The following TYR variants were observed in gnomAD, a reference collection of about 807,000 sequenced individuals.
TYR encodes the protein tyrosinase.
Under a neutral mutation model 51.5 loss-of-function variants are expected in TYR, and 58 were observed. The ratio of observed to expected loss-of-function variants is 1.13; its 90% CI spans 0.91 to 1.40. The LOEUF (loss-of-function observed/expected upper bound fraction) is 1.40. TYR is among the 40% of genes most tolerant of loss of function. The pLI is 0.00. For synonymous variants in TYR, 263 were observed against 235.2 expected, an observed-to-expected ratio of 1.12 and a Z score of -1.08; for missense variants, 732 against 647.4, an observed-to-expected ratio of 1.13 and a Z score of -1.42.
chr11:89,217,275 T>A (rs55789917), intron 2 of TYR, among the ~76,000 whole-genome samples: 3,829 of 152,276 alleles, frequency 0.025, 173 homozygotes, highest in African/African-American at 0.088. Flanking sequence ...TACTATGCAG[T>A]GTTAACAAAC....
chr11:89,209,478 A>T (rs2135267977), intron 2 of TYR, among the ~76,000 whole-genome samples: 1 of 152,348 alleles, frequency 6.6e-6, no homozygotes, highest in Non-Finnish European at 1.5e-5. Flanking sequence ...GGTGGAGCCC[A>T]CTGCAGCTCA....
chr11:89,246,791 A>C (rs1292846381), intron 3 of TYR, among the ~76,000 whole-genome samples: 1 of 152,044 alleles, frequency 6.6e-6, no homozygotes, highest in Non-Finnish European at 1.5e-5. Context: ...AAACAGTCCA[A>C]CCAGAAGGGC....
chr11:89,218,066 AG>A, intron 2 of TYR, among the ~76,000 whole-genome samples: 1 of 152,282 alleles, frequency 6.6e-6, no homozygotes, highest in Non-Finnish European at 1.5e-5. Context: ...TTTTTCATGT[AG>A]GTTGTTCAGG....
intron 4 of TYR, chr11:89,294,374 T>C (rs1944882920): frequency 6.5e-6 from 1 of 153,038 alleles, no homozygotes; most frequent in Admixed American, 6.5e-5. Context: ...AGGGCTATTA[T>C]TCTTACATAT....
chr11:89,278,971 A>AT (rs201133475), intron 3 of TYR, among the ~76,000 whole-genome samples: 4 of 151,440 alleles, frequency 2.6e-5, no homozygotes, highest in Non-Finnish European at 5.9e-5. Context: ...TATTTGTCTG[A>AT]TTTTTTTCTC....
In TYR at chr11:89,178,745, C is replaced by T; in HGVS notation, c.792C>T (p.Ser264=). 1 of 1,614,064 alleles carries T rather than the reference C, an allele frequency of 6.2e-7. No individual in the cohort carries two copies. Residue 264 remains serine, a synonymous_variant, in exon 1 of 5, where the codon AGC becomes AGT. Coordinates refer to ENST00000263321, the MANE Select transcript of TYR (RefSeq NM_000372.5). ...GQHPTNPNLL[S]PASFFSSWQI... ...ACCCCACAAATCCTAACTTACTCAG[C>T]CCAGCATCATTCTTCTCCTCTTGGC...
At chr11:89,191,480 A>G in intron 2 of TYR, 62 bp downstream of exon 2, 2 of 1,504,624 alleles carry the variant, frequency 1.3e-6, no homozygotes, top group Non-Finnish European at 1.8e-6. Context: ...TCTCTTATCC[A>G]AAGTCCTAGG....
At chr11:89,212,164 T>C (rs1943767331) in intron 2 of TYR, among the ~76,000 whole-genome samples, 2 of 152,142 alleles carry the variant, frequency 1.3e-5, no homozygotes, top group Non-Finnish European at 2.9e-5. Context: ...AGCTGTTTTT[T>C]TGAAAAGATC....
At chr11:89,187,165 T>A (rs1943385825) in intron 1 of TYR, among the ~76,000 whole-genome samples, 1 of 152,056 alleles carries the variant, frequency 6.6e-6, no homozygotes, top group Non-Finnish European at 1.5e-5. Flanking sequence ...GGATACCTAT[T>A]CCCTGTAGAT....
intron 3 of TYR, among the ~76,000 whole-genome samples, chr11:89,279,160 C>T (rs1385846850): frequency 1.3e-5 from 2 of 151,608 alleles, no homozygotes; most frequent in Admixed American, 1.3e-4. Flanking sequence ...AAGTCTCTGG[C>T]CCCTCTTTCT....
intron 3 of TYR, among the ~76,000 whole-genome samples, chr11:89,238,950 C>A (rs7358330): frequency 0.23 from 35,007 of 151,966 alleles, 4,314 homozygotes; most frequent in Non-Finnish European, 0.28. Flanking sequence ...AGTGAACCAG[C>A]CTTCTGTTGA....
At chr11:89,217,002 G>T (rs1170456626) in intron 2 of TYR, among the ~76,000 whole-genome samples, 2 of 152,088 alleles carry the variant, frequency 1.3e-5, no homozygotes, top group Non-Finnish European at 2.9e-5. Flanking sequence ...AGGAAAAAGA[G>T]AAAAAATTAG....
At chr11:89,238,770 C>A (rs1215452381) in intron 3 of TYR, among the ~76,000 whole-genome samples, 2 of 152,026 alleles carry the variant, frequency 1.3e-5, no homozygotes, top group African/African-American at 4.8e-5. Context: ...TCCATCTATA[C>A]CTAATTTTTT....
chr11:89,271,432 A>G (rs1944587629), intron 3 of TYR, among the ~76,000 whole-genome samples: 1 of 151,956 alleles, frequency 6.6e-6, no homozygotes, highest in Non-Finnish European at 1.5e-5. Context: ...GTGCAGTAAC[A>G]TTATGCCTAA....
intron 3 of TYR, among the ~76,000 whole-genome samples, chr11:89,245,827 C>T (rs1270224388): frequency 2.6e-5 from 4 of 151,644 alleles, no homozygotes; most frequent in South Asian, 4.2e-4. Context: ...GAGGCTGAGG[C>T]AGGAGAATGG....
chr11:89,271,239 C>T (rs2135314781), intron 3 of TYR, among the ~76,000 whole-genome samples: 1 of 151,900 alleles, frequency 6.6e-6, no homozygotes, highest in African/African-American at 2.4e-5. Context: ...GTAGTAAGTA[C>T]TATTACCTAT....
intron 2 of TYR, among the ~76,000 whole-genome samples, chr11:89,210,515 C>T (rs140322823): frequency 2.6e-4 from 39 of 152,170 alleles, no homozygotes; most frequent in Non-Finnish European, 4.7e-4. Flanking sequence ...AAAGTGATGA[C>T]GAGAATGACC....
At chr11:89,201,868 G>T (rs1453583415) in intron 2 of TYR, among the ~76,000 whole-genome samples, 16 of 152,128 alleles carry the variant, frequency 1.1e-4, no homozygotes, top group Admixed American at 9.2e-4. Context: ...AAGGGCATCT[G>T]GGAAGACCTT....
chr11:89,184,576 T>C (rs953939447), intron 1 of TYR, among the ~76,000 whole-genome samples: 1 of 152,176 alleles, frequency 6.6e-6, no homozygotes, highest in African/African-American at 2.4e-5. Context: ...CACTCAACAG[T>C]TCTAGTTCTC....
Sources: allele counts gnomAD v4.1 joint callset (sites outside exome capture counted in the v4.1 genomes callset), GRCh38; gene constraint gnomAD v4.1.1; transcripts MANE v1.5; gene names NCBI Gene and HGNC (gene_info 2026-07-23, HGNC 2026-07-21).